NTSR1: variants seen among roughly 807,000 people sequenced by gnomAD.
The protein encoded by NTSR1 is neurotensin receptor type 1.
A neutral mutation model predicts 31.2 loss-of-function variants in NTSR1; 29 were observed. The ratio of observed to expected loss-of-function variants is 0.93; its 90% CI spans 0.69 to 1.27. The LOEUF (loss-of-function observed/expected upper bound fraction) is 1.27, where lower values mean the gene tolerates loss of function less well. NTSR1 is among the 50% of genes most tolerant of loss of function. The probability of loss-of-function intolerance (pLI) is 0.00; values close to 1 mark genes in which losing one functional copy is unlikely to be tolerated. For missense variants in NTSR1, 697 were observed against 595.4 expected, an observed-to-expected ratio of 1.17 and a Z score of -1.78; for synonymous variants, 282 against 269.9, an observed-to-expected ratio of 1.04 and a Z score of -0.44.
chr20:62,717,030 C>T (rs1028731130), intron 1 of NTSR1, among the ~76,000 whole-genome samples: 2 of 152,296 alleles, frequency 1.3e-5, no homozygotes, highest in East Asian at 1.9e-4. Flanking sequence ...TGCACAGCTC[C>T]GGAGGGGGAC....
chr20:62,760,202 A>G lies in NTSR1; in HGVS notation c.1192A>G (p.Lys398Glu), dbSNP rs1234229682. The G allele has an allele frequency of 1.2e-6, 2 of 1,613,712 alleles. No homozygotes were observed. The highest frequency in any genetic ancestry group is 8.5e-7 in the Non-Finnish European group (1 of 1,179,994). The change falls in exon 4 of 4, where the codon AAG becomes GAG. Residue 398 changes from lysine (K) to glutamate (E), a missense_variant. Physicochemically the swap from Lys to Glu is moderately conservative, Grantham distance 56. Transcript: ENST00000370501. ...GAGGAAGAGGCCAGCCTTCTCGAGG[A>G]AGGCCGACAGCGTGTCCAGCAACCA... ...RRRKRPAFSR[K>E]ADSVSSNHTL...
rs1211043749 is a variant in NTSR1, at chr20:62,715,062, G to A, written c.714+5141G>A. ...ACAGAGGAGACAAGATTGGTCTTAA[G>A]TCTGTAATCATGGAAAGTGAGTGTT... is the stretch of plus-strand genomic sequence containing the variant. On this transcript the variant is annotated intron_variant, in intron 1 of 3. Coordinates refer to ENST00000370501, the MANE Select transcript of NTSR1 (RefSeq NM_002531.3). This position sits in a 1 kb window ranked among gnomAD's most constrained non-coding sequence, Gnocchi z 4.7. Among the ~76,000 whole-genome samples the A allele has an allele frequency of 6.6e-6, 1 of 152,212 alleles. No individual in the cohort carries two copies. Among genetic ancestry groups the A allele is most frequent in the Non-Finnish European group, 1.5e-5 (1 of 68,046 alleles).
chr20:62,709,983 G>A (rs1988576236), intron 1 of NTSR1, 62 bp downstream of exon 1: 7 of 1,321,792 alleles, frequency 5.3e-6, no homozygotes, highest in East Asian at 2.5e-5. Flanking sequence ...AGTGCCAGTG[G>A]TGTGCCTTCT....
chr20:62,736,664 C>T (rs73918660), intron 1 of NTSR1, among the ~76,000 whole-genome samples: 7 of 152,200 alleles, frequency 4.6e-5, no homozygotes, highest in South Asian at 2.1e-4. Flanking sequence ...GCATAGGACC[C>T]GCAAGCTGAG....
intron 1 of NTSR1, among the ~76,000 whole-genome samples, chr20:62,754,428 T>G (rs1568710740): frequency 6.6e-6 from 1 of 152,154 alleles, no homozygotes; most frequent in Non-Finnish European, 1.5e-5. Context: ...GAGGGACTCA[T>G]GAAAGTAGGG....
Position 62,744,838 on chromosome 20 carries a change from G to A in NTSR1, c.715-9847G>A, listed in dbSNP as rs181711844. Among the ~76,000 whole-genome samples the A allele has an allele frequency of 7.2e-5, 11 of 152,252 alleles. No homozygotes were observed. Among genetic ancestry groups the A allele is most frequent in the African/African-American group, 2.4e-4 (10 of 41,550 alleles). On this transcript the variant is annotated intron_variant, in intron 1 of 3. Coordinates refer to ENST00000370501, the MANE Select transcript of NTSR1 (RefSeq NM_002531.3). This position sits in a 1 kb window ranked among gnomAD's most constrained non-coding sequence, Gnocchi z 4.1. ...TTCTGGCACCAAACCCCAGGCATTC[G>A]GCTGCTTCTGAGAGGCTTGAGGCCC...
chr20:62,712,488 T>C (rs1339617595), intron 1 of NTSR1, among the ~76,000 whole-genome samples: 1 of 152,238 alleles, frequency 6.6e-6, no homozygotes, highest in Admixed American at 6.5e-5. Context: ...GTGATAACAC[T>C]TTGGAGCAAC....
rs1238353814 is a variant in NTSR1 at position 62,758,458 on chromosome 20, G to A, written c.1007+102G>A. On this transcript the variant is annotated intron_variant, in intron 3 of 3. Transcript: ENST00000370501. This position sits in a 1 kb window ranked among gnomAD's most constrained non-coding sequence, Gnocchi z 4.5. ...TGCTGAGGGGATCCACTCAGGGCAG[G>A]GGTGTGGTGAGTCCCCCGGCGACCC... 5.5e-6 allele frequency: 6 copies of A among 1,093,994 alleles called. No individual in the cohort carries two copies. Among genetic ancestry groups the A allele is most frequent in the South Asian group, 1.4e-5 (1 of 73,522 alleles). The allele number at this position is 1,093,994 out of a possible 1,614,324, so 67.8% of individuals were successfully genotyped here.
At chr20:62,716,523 G>A (rs553624926) in intron 1 of NTSR1, among the ~76,000 whole-genome samples, 16 of 152,362 alleles carry the variant, frequency 1.1e-4, no homozygotes, top group South Asian at 8.3e-4. Flanking sequence ...TCCCGCCTCC[G>A]TGAGTCTGTG....
chr20:62,748,879 C>G (rs1989346056), intron 1 of NTSR1, among the ~76,000 whole-genome samples: 1 of 152,206 alleles, frequency 6.6e-6, no homozygotes, highest in African/African-American at 2.4e-5. Context: ...GCTCTGCCCC[C>G]TCTGCACGCG....
At chr20:62,735,775 C>T (rs1370232145) in intron 1 of NTSR1, among the ~76,000 whole-genome samples, 1 of 152,210 alleles carries the variant, frequency 6.6e-6, no homozygotes, top group African/African-American at 2.4e-5. Flanking sequence ...AGGGCACACA[C>T]TGCGACCGGG....
chr20:62,742,856 A>C lies in NTSR1; in HGVS notation c.715-11829A>C, dbSNP rs1418571471. ...ATCCCTCTCCCCGCAGTGTTTCCCC[A>C]GTTCCAGGGCTGTGAGGTGGTCACA... On this transcript the variant is annotated intron_variant, in intron 1 of 3. Coordinates refer to ENST00000370501, the MANE Select transcript of NTSR1 (RefSeq NM_002531.3). The surrounding 1 kb of genome is among the most constrained non-coding windows in gnomAD (Gnocchi z 7.1). 6.7e-6 allele frequency among the ~76,000 whole-genome samples: 1 copy of C among 149,314 alleles called. No individual in the cohort carries two copies. The highest frequency in any genetic ancestry group is 1.5e-5 in the Non-Finnish European group (1 of 67,968).
rs1568714259 is a variant in NTSR1, at chr20:62,760,942, G to A, written c.*675G>A. ...CACAAGCCCAAAAAGGACAAAAATGGGCTGGCCTGGAATGGCCCAGACCCC... is the reference window on the plus strand; with the variant it reads ...CACAAGCCCAAAAAGGACAAAAATGAGCTGGCCTGGAATGGCCCAGACCCC... On this transcript the variant is annotated 3_prime_UTR_variant, in exon 4 of 4. Transcript: ENST00000370501. 6.6e-6 allele frequency: 1 copy of A among 152,430 alleles called. No homozygotes were observed. Among genetic ancestry groups the A allele is most frequent in the Non-Finnish European group, 1.5e-5 (1 of 68,212 alleles). The allele number at this position is 152,430 out of a possible 1,614,324, so 9.4% of individuals were successfully genotyped here.
rs753533360 is a variant in NTSR1, at chr20:62,709,334, T to C, written c.127T>C (p.Ser43Pro). 3.7e-6 allele frequency: 6 copies of C among 1,609,006 alleles called. No individual in the cohort carries two copies. In the South Asian group the frequency reaches 6.6e-5, roughly 18 times the overall value. ...PGFGNASGNA[S>P]ERVLAAPSSE... ...CTTCGGCAACGCTTCGGGCAACGCG[T>C]CGGAGCGCGTCCTGGCGGCACCCAG... The change falls in exon 1 of 4, where the codon TCG becomes CCG. Residue 43 changes from serine to proline, a missense_variant. Ser to Pro is a moderately conservative substitution (Grantham distance 74). Transcript: ENST00000370501.
rs188206553 is a variant in NTSR1 at position 62,733,810 on chromosome 20, C to G, written c.715-20875C>G. Among the ~76,000 whole-genome samples the G allele has an allele frequency of 3.0e-3, 461 of 152,108 alleles. No homozygotes were observed. Among genetic ancestry groups the G allele is most frequent in the African/African-American group, 0.011 (436 of 41,494 alleles). On this transcript the variant is annotated intron_variant, in intron 1 of 3. Coordinates refer to ENST00000370501, the MANE Select transcript of NTSR1 (RefSeq NM_002531.3). This position sits in a 1 kb window ranked among gnomAD's most constrained non-coding sequence, Gnocchi z 5.2. Reference sequence around the variant, plus strand: ...AGGGGGAGGGAGACAGCACCCTCTTCTCCCTACCCTTGCCTGGGGTCTCAG... The same window carrying G: ...AGGGGGAGGGAGACAGCACCCTCTTGTCCCTACCCTTGCCTGGGGTCTCAG...
rs1391236484 is a variant in NTSR1, at chr20:62,762,229, C to A, written c.*1962C>A. 1.3e-5 allele frequency: 2 copies of A among 152,228 alleles called. No homozygotes were observed. Among genetic ancestry groups the A allele is most frequent in the African/African-American group, 4.8e-5 (2 of 41,436 alleles). The allele number at this position is 152,228 out of a possible 1,614,324, so 9.4% of individuals were successfully genotyped here. On this transcript the variant is annotated 3_prime_UTR_variant, in exon 4 of 4. Transcript: ENST00000370501. The stretch of plus-strand genomic sequence containing the variant: ...CAGACCCTTCTCTGGGGCTCCTGGA[C>A]CTTGGGCCATAATTTCTGAGCCTCG...
At chr20:62,746,882 T>C (rs1295746245) in intron 1 of NTSR1, among the ~76,000 whole-genome samples, 1 of 152,122 alleles carries the variant, frequency 6.6e-6, no homozygotes, top group African/African-American at 2.4e-5. Flanking sequence ...ATTCCGAAAA[T>C]GTGAAGAGGA....
chr20:62,709,450 C>G lies in NTSR1; in HGVS notation c.243C>G (p.Asn81Lys), dbSNP rs1466733813. 5 of 1,612,550 alleles carry G rather than the reference C, an allele frequency of 3.1e-6. No individual in the cohort carries two copies. In the South Asian group the frequency reaches 5.5e-5, roughly 18 times the overall value. Residue 81 changes from asparagine to lysine, a missense_variant, in exon 1 of 4, where the codon AAC (asparagine) becomes AAG (lysine). Coordinates refer to ENST00000370501, the MANE Select transcript of NTSR1 (RefSeq NM_002531.3). ...TCTTCGTGGTGGGCACGGTGGGCAA[C>G]ACGGTGACGGCGTTCACGCTGGCGC... ...LALFVVGTVG[N>K]TVTAFTLARK...
rs534260743 is a variant in NTSR1 at position 62,745,507 on chromosome 20, G to C, written c.715-9178G>C. On this transcript the variant is annotated intron_variant, in intron 1 of 3. Transcript: ENST00000370501. This position sits in a 1 kb window ranked among gnomAD's most constrained non-coding sequence, Gnocchi z 4.1. ...AGACACACAGACAGAGACAGACACA[G>C]GAAAACAGTGAAAGACAGAGACACA... 2.6e-4 allele frequency among the ~76,000 whole-genome samples: 40 copies of C among 151,902 alleles called. No individual in the cohort carries two copies. The highest frequency in any genetic ancestry group is 8.9e-4 in the African/African-American group (37 of 41,406).
Sources: allele counts gnomAD v4.1 joint callset (sites outside exome capture counted in the v4.1 genomes callset), GRCh38; gene constraint gnomAD v4.1.1; non-coding constraint Gnocchi (gnomAD v3.1); transcripts MANE v1.5; gene names NCBI Gene and HGNC (gene_info 2026-07-23, HGNC 2026-07-21).